SH3KBP1: variants seen among roughly 807,000 people sequenced by gnomAD.
The protein encoded by SH3KBP1 is SH3 domain-containing kinase-binding protein 1.
Under a neutral mutation model 50.1 loss-of-function variants are expected in SH3KBP1, and 8 were observed. The observed-to-expected ratio is 0.16, with a 90% CI of 0.09 to 0.29. The LOEUF (loss-of-function observed/expected upper bound fraction) is 0.29. SH3KBP1 is among the 10% of genes least tolerant of loss of function. The pLI is 1.00. For synonymous variants in SH3KBP1, 227 were observed against 218.6 expected (o/e 1.04, Z -0.34); for missense variants, 377 against 535.2 (o/e 0.70, Z 2.92).
intron 3 of SH3KBP1, among the ~76,000 whole-genome samples, chrX:19,714,627 G>A (rs896634152): frequency 8.9e-6 from 1 of 112,256 alleles, no homozygotes; most frequent in African/African-American, 3.2e-5. Flanking sequence ...ATTATGTTAA[G>A]TGAAATAAGC....
chrX:19,563,466 G>A (rs188323441), intron 13 of SH3KBP1, among the ~76,000 whole-genome samples: 4 of 112,037 alleles, frequency 3.6e-5, no homozygotes, highest in African/African-American at 1.3e-4. Context: ...CTGTAAGTTC[G>A]AGGAAGGAAC....
intron 2 of SH3KBP1, among the ~76,000 whole-genome samples, chrX:19,806,235 G>A (rs923041505): frequency 9.0e-6 from 1 of 111,373 alleles, no homozygotes; most frequent in African/African-American, 3.3e-5. Context: ...CAGTAGACTG[G>A]GCCAGGCACA....
At chrX:19,755,693 A>T (rs2065190378) in intron 2 of SH3KBP1, among the ~76,000 whole-genome samples, 1 of 112,302 alleles carries the variant, frequency 8.9e-6, no homozygotes, top group African/African-American at 3.2e-5. Flanking sequence ...GAGAAGCGAA[A>T]CTAAAGGCAG....
At chrX:19,733,587 G>T (rs2064442719) in intron 3 of SH3KBP1, among the ~76,000 whole-genome samples, 1 of 110,445 alleles carries the variant, frequency 9.1e-6, no homozygotes, top group African/African-American at 3.3e-5. Flanking sequence ...AATGAAGCCA[G>T]TATAAAAAAA....
chrX:19,816,602 T>C lies in SH3KBP1; in HGVS notation c.162+19523A>G, dbSNP rs570615382. 1.1e-4 allele frequency among the ~76,000 whole-genome samples: 12 copies of C among 110,774 alleles called. 1 individual carries two copies. The South Asian group carries it at 4.6e-3, about 42-fold the overall frequency. On this transcript the variant is annotated intron_variant, in intron 2 of 17. Transcript: ENST00000397821. ...GCAGTGGATTACTTGAGTCTAGGAG[T>C]TTGAGACCAGCCTGGGCAACATAGG...
chrX:19,541,904 C>G, intron 16 of SH3KBP1, 21 bp downstream of exon 16: 4 of 1,192,585 alleles, frequency 3.4e-6, no homozygotes, highest in Non-Finnish European at 4.5e-6. Flanking sequence ...TGACGGCCCC[C>G]AAGAGTCCCC....
intron 2 of SH3KBP1, among the ~76,000 whole-genome samples, chrX:19,817,318 A>G (rs1033160804): frequency 8.9e-6 from 1 of 112,273 alleles, no homozygotes; most frequent in Non-Finnish European, 1.9e-5. Context: ...TACAAAAAAA[A>G]ATCTTGCTGG....
intron 2 of SH3KBP1, among the ~76,000 whole-genome samples, chrX:19,824,497 C>T (rs181082795): frequency 3.6e-5 from 4 of 111,269 alleles, no homozygotes; most frequent in African/African-American, 1.3e-4. Context: ...ATTCTGATGA[C>T]GTAGTGCACC....
rs1363870168 is a variant in SH3KBP1 at position 19,804,895 on chromosome X, C to A, written c.162+31230G>T. Among the ~76,000 whole-genome samples, 759 of 87,255 alleles carry A rather than the reference C, an allele frequency of 8.7e-3. 52 individuals are homozygous for A. Among genetic ancestry groups the A allele is most frequent in the Admixed American group, 0.071 (504 of 7,147 alleles). 75.8% of individuals were successfully genotyped at this position (87,255 alleles called of 115,157 possible). On this transcript the variant is annotated intron_variant, in intron 2 of 17. Coordinates refer to ENST00000397821, the MANE Select transcript of SH3KBP1 (RefSeq NM_031892.3). ...AGCCCAAACCCTACCCCCCCCCCCC[C>A]ACCCGCTGCCATCACAATCTGCCTT...
intron 6 of SH3KBP1, among the ~76,000 whole-genome samples, chrX:19,678,116 G>T (rs59577107): frequency 9.0e-6 from 1 of 111,561 alleles, no homozygotes; most frequent in Admixed American, 9.6e-5. Context: ...AGGCCCATTT[G>T]CCTCTCACAC....
At chrX:19,750,780 G>A (rs1047969343) in intron 2 of SH3KBP1, among the ~76,000 whole-genome samples, 10 of 110,966 alleles carry the variant, frequency 9.0e-5, no homozygotes, top group African/African-American at 3.3e-4. Flanking sequence ...AAATTAAAGT[G>A]CTTTAGCAGC....
intron 9 of SH3KBP1, among the ~76,000 whole-genome samples, chrX:19,603,035 G>A (rs938310979): frequency 3.6e-5 from 4 of 112,325 alleles, no homozygotes; most frequent in African/African-American, 6.5e-5. Flanking sequence ...CTAACTGATT[G>A]CATCACAATG....
At chrX:19,779,558 C>T (rs2066098126) in intron 2 of SH3KBP1, among the ~76,000 whole-genome samples, 1 of 88,650 alleles carries the variant, frequency 1.1e-5, no homozygotes, top group Non-Finnish European at 2.2e-5. Context: ...GGTATATCTC[C>T]CAATGCTATC....
chrX:19,542,164 G>A lies in SH3KBP1; in HGVS notation c.1653C>T (p.Pro551=), dbSNP rs898612265. ...CACCTGCTGCCATGGTCCCCGGCTTGGGCGGCAGGGATGCTTTGTTGTCAG... is the reference window on the plus strand; with the variant it reads ...CACCTGCTGCCATGGTCCCCGGCTTAGGCGGCAGGGATGCTTTGTTGTCAG... ...QVSDNKASLP[P]KPGTMAAGGG... The change falls in exon 16 of 18, where the codon CCC becomes CCT. Residue 551 remains proline, a synonymous_variant. Transcript: ENST00000397821. The A allele has an allele frequency of 8.4e-7, 1 of 1,185,421 alleles. No individual in the cohort carries two copies. The highest frequency in any genetic ancestry group is 1.8e-5 in the African/African-American group (1 of 56,482).
intron 3 of SH3KBP1, among the ~76,000 whole-genome samples, chrX:19,725,530 A>G (rs113885471): frequency 1.5e-4 from 17 of 111,360 alleles, no homozygotes; most frequent in Non-Finnish European, 2.6e-4. Flanking sequence ...GTCTGACAGG[A>G]GAGAGAATCT....
chrX:19,563,986 T>G (rs926696348), intron 13 of SH3KBP1, among the ~76,000 whole-genome samples: 2 of 109,348 alleles, frequency 1.8e-5, no homozygotes, highest in Non-Finnish European at 3.8e-5. Flanking sequence ...TGGGTTTTTG[T>G]TTTTTTTTAA....
intron 15 of SH3KBP1, among the ~76,000 whole-genome samples, chrX:19,545,688 A>C (rs886489980): frequency 8.9e-6 from 1 of 111,966 alleles, no homozygotes; most frequent in Non-Finnish European, 1.9e-5. Flanking sequence ...TATGAAGAGG[A>C]GATCAAACCA....
chrX:19,745,434 T>C (rs1384510300), intron 3 of SH3KBP1, among the ~76,000 whole-genome samples: 1 of 112,430 alleles, frequency 8.9e-6, no homozygotes, highest in East Asian at 2.8e-4. Context: ...TTATGAAAGA[T>C]TAGCTGTTCT....
At chrX:19,663,288 C>T (rs1051123307) in intron 6 of SH3KBP1, among the ~76,000 whole-genome samples, 2 of 111,318 alleles carry the variant, frequency 1.8e-5, no homozygotes, top group African/African-American at 3.3e-5. Context: ...TGGTGCTTTT[C>T]GTGGTTGTTA....
Sources: gnomAD v4.1 joint callset for allele counts (sites outside exome capture counted in the v4.1 genomes callset) on GRCh38, gnomAD v4.1.1 for gene constraint, MANE v1.5 for transcripts, NCBI Gene and HGNC (gene_info 2026-07-23, HGNC 2026-07-21) for gene names.